Variants in STARD13 observed in about 807,000 individuals in gnomAD.
STARD13 encodes StAR related lipid transfer domain containing 13.
In STARD13, 62 loss-of-function variants were observed where a neutral mutation model predicts 106.4. The ratio of observed to expected loss-of-function variants is 0.58; its 90% CI spans 0.48 to 0.72. The LOEUF is 0.72. Ranked by LOEUF, STARD13 falls within the 30% of genes least tolerant of loss-of-function variation. The pLI, the probability that STARD13 is intolerant of heterozygous loss-of-function variation, is 0.00. For synonymous variants in STARD13, 565 were observed against 553.0 expected (o/e 1.02, Z -0.31); for missense variants, 1,387 against 1,424.0 (o/e 0.97, Z 0.42).
intron 1 of STARD13, among the ~76,000 whole-genome samples, chr13:33,216,364 C>T (rs761598730): frequency 9.9e-5 from 15 of 152,088 alleles, no homozygotes; most frequent in Non-Finnish European, 1.9e-4. Flanking sequence ...TATATATATA[C>T]GATAGAATAC....
chr13:33,451,408 G>A, the STARD13 span, among the ~76,000 whole-genome samples: 1 of 152,274 alleles, frequency 6.6e-6, no homozygotes. Flanking sequence ...CAAGTCAGGG[G>A]ATTGTTGCCA....
At chr13:33,484,259 G>T in the STARD13 span, among the ~76,000 whole-genome samples, 1 of 152,108 alleles carries the variant, frequency 6.6e-6, no homozygotes, top group Non-Finnish European at 1.5e-5. Context: ...ACTAAAACAT[G>T]GTCACAGGTT....
the STARD13 span, among the ~76,000 whole-genome samples, chr13:33,606,062 A>G: frequency 3.9e-5 from 6 of 152,134 alleles, no homozygotes; most frequent in Non-Finnish European, 7.4e-5. Context: ...CACTTTGGGA[A>G]GCCTAGGTGG....
At chr13:33,599,557 G>A in the STARD13 span, among the ~76,000 whole-genome samples, 1 of 152,068 alleles carries the variant, frequency 6.6e-6, no homozygotes, top group Non-Finnish European at 1.5e-5. Flanking sequence ...CTTTTGGAAG[G>A]CACCTTGGAC....
chr13:33,424,942 G>A, the STARD13 span, among the ~76,000 whole-genome samples: 1 of 152,174 alleles, frequency 6.6e-6, no homozygotes, highest in Non-Finnish European at 1.5e-5. Flanking sequence ...ATTAAAAGAT[G>A]ACTTTAAAAA....
intron 1 of STARD13, among the ~76,000 whole-genome samples, chr13:33,237,202 C>T (rs1405976443): frequency 6.6e-6 from 1 of 152,222 alleles, no homozygotes; most frequent in Non-Finnish European, 1.5e-5. Flanking sequence ...CACTCTTGTC[C>T]TCTTTCAAAG....
intron 1 of STARD13, among the ~76,000 whole-genome samples, chr13:33,282,322 C>T (rs1401244533): frequency 6.6e-6 from 1 of 152,292 alleles, no homozygotes; most frequent in East Asian, 1.9e-4. Flanking sequence ...AGAAATGATG[C>T]ATGTATGTTT....
At chr13:33,411,791 A>G in the STARD13 span, among the ~76,000 whole-genome samples, 1 of 152,204 alleles carries the variant, frequency 6.6e-6, no homozygotes, top group Non-Finnish European at 1.5e-5. Context: ...ATGTCTTCAC[A>G]TGGCTTGATG....
chr13:33,569,264 G>A, the STARD13 span, among the ~76,000 whole-genome samples: 8 of 147,968 alleles, frequency 5.4e-5, no homozygotes, highest in Middle Eastern at 3.4e-3. Context: ...CTCATACCTT[G>A]TTGATAAAAA....
At position 33,259,155 on chromosome 13, in the gene STARD13, G is replaced by C. The variant is rs570889874; in HGVS notation, c.169+26315C>G. Among the ~76,000 whole-genome samples, 3 of 152,254 alleles carry C rather than the reference G, an allele frequency of 2.0e-5. No homozygotes were observed. The East Asian group carries it at 5.8e-4, about 29-fold the overall frequency. On this transcript the variant is annotated intron_variant, in intron 1 of 13. Transcript: ENST00000336934. ...CCCACTAGAATGGAAGCTCCTGGAG[G>C]GTGGGGCCCACATCTTGTCTTGCCC...
At chr13:33,232,627 G>T (rs1046491254) in intron 1 of STARD13, among the ~76,000 whole-genome samples, 2 of 152,122 alleles carry the variant, frequency 1.3e-5, no homozygotes, top group Non-Finnish European at 2.9e-5. Context: ...AAACTTTGAC[G>T]ACGTGTATCT....
chr13:33,120,458 G>A (rs963543538), intron 7 of STARD13, among the ~76,000 whole-genome samples: 2 of 152,182 alleles, frequency 1.3e-5, no homozygotes, highest in African/African-American at 4.8e-5. Context: ...TTCTGACTGA[G>A]ATCTTAGGAT....
chr13:33,385,194 T>G, the STARD13 span, among the ~76,000 whole-genome samples: 1 of 128,046 alleles, frequency 7.8e-6, no homozygotes. Flanking sequence ...AAATCCAGAT[T>G]TTTGGTTTGG....
At chr13:33,308,366 G>GTA (rs1201971706) in intron 1 of STARD13, among the ~76,000 whole-genome samples, 1 of 151,978 alleles carries the variant, frequency 6.6e-6, no homozygotes, top group South Asian at 2.1e-4. Context: ...AGGGTTTATA[G>GTA]TATATATATA....
chr13:33,610,356 A>C, the STARD13 span, among the ~76,000 whole-genome samples: 6 of 152,216 alleles, frequency 3.9e-5, no homozygotes, highest in African/African-American at 1.2e-4. Context: ...TAACATCTAA[A>C]CATCTTGGTG....
the STARD13 span, among the ~76,000 whole-genome samples, chr13:33,413,812 A>G: frequency 2.0e-5 from 3 of 152,226 alleles, no homozygotes; most frequent in South Asian, 6.2e-4. Flanking sequence ...CAGGCAGATC[A>G]CCTGAGGACA....
chr13:33,172,308 T>C lies in STARD13; in HGVS notation c.170-4686A>G, dbSNP rs114027677. Among the ~76,000 whole-genome samples the C allele has an allele frequency of 7.9e-3, 1,206 of 152,318 alleles. 17 individuals carry two copies. Among genetic ancestry groups the C allele is most frequent in the African/African-American group, 0.028 (1,151 of 41,564 alleles). Reference sequence around the variant, plus strand: ...ATATTTGATTTTTGAATACTGCCAATTGCATTTCCCTGTAGGAAGATTATA... The same window carrying C: ...ATATTTGATTTTTGAATACTGCCAACTGCATTTCCCTGTAGGAAGATTATA... On this transcript the variant is annotated intron_variant, in intron 1 of 13. Transcript: ENST00000336934.
intron 1 of STARD13, among the ~76,000 whole-genome samples, chr13:33,327,954 G>C (rs564298017): frequency 1.3e-5 from 2 of 152,326 alleles, no homozygotes; most frequent in African/African-American, 4.8e-5. Flanking sequence ...AGCTTCAAGT[G>C]TTGCTGAGAT....
intron 3 of STARD13, among the ~76,000 whole-genome samples, chr13:33,152,845 G>A (rs11842792): frequency 0.043 from 6,540 of 152,140 alleles, 433 homozygotes; most frequent in African/African-American, 0.14. Context: ...GTTAATTCCC[G>A]TATTACATGG....
Sources: allele counts gnomAD v4.1 joint callset (sites outside exome capture counted in the v4.1 genomes callset), GRCh38; gene constraint gnomAD v4.1.1; transcripts MANE v1.5; gene names NCBI Gene and HGNC (gene_info 2026-07-23, HGNC 2026-07-21).